Variants in RORA observed in about 807,000 individuals in gnomAD.
RORA encodes the protein RAR related orphan receptor A.
Under a neutral mutation model 69.5 loss-of-function variants are expected in RORA, and 7 were observed. The ratio of observed to expected loss-of-function variants is 0.10; its 90% confidence interval spans 0.06 to 0.19. The LOEUF (loss-of-function observed/expected upper bound fraction) is 0.19, where lower values mean the gene tolerates loss of function less well. Among genes scored for constraint, RORA ranks in the 10% least tolerant of loss-of-function variants. The probability of loss-of-function intolerance (pLI) is 1.00; values close to 1 mark genes in which losing one functional copy is unlikely to be tolerated. For synonymous variants in RORA, 261 were observed against 240.8 expected (o/e 1.08, Z -0.78); for missense variants, 457 against 663.0 (o/e 0.69, Z 3.41).
intron 1 of RORA, among the ~76,000 whole-genome samples, chr15:60,791,132 G>A (rs1420653684): frequency 6.6e-6 from 1 of 152,140 alleles, no homozygotes. Flanking sequence ...TGTAGAACGA[G>A]CCCAGGCTGA....
chr15:61,153,514 A>C (rs540857450), intron 1 of RORA, among the ~76,000 whole-genome samples: 2 of 152,300 alleles, frequency 1.3e-5, no homozygotes, highest in Admixed American at 1.3e-4. Flanking sequence ...ACCCACTCAT[A>C]GTGCCAGAGA....
At chr15:60,555,972 C>T (rs1236794907) in intron 2 of RORA, among the ~76,000 whole-genome samples, 4 of 152,134 alleles carry the variant, frequency 2.6e-5, no homozygotes, top group African/African-American at 7.2e-5. Flanking sequence ...GATTGTGGAA[C>T]CTCGGCTTAC....
intron 1 of RORA, among the ~76,000 whole-genome samples, chr15:60,784,392 A>G (rs877228): frequency 0.54 from 82,697 of 151,984 alleles, 22,804 homozygotes; most frequent in African/African-American, 0.62. Flanking sequence ...GGACATTCCA[A>G]TTGGGTCACT....
At chr15:60,860,431 G>T (rs1335116662) in intron 1 of RORA, among the ~76,000 whole-genome samples, 1 of 152,210 alleles carries the variant, frequency 6.6e-6, no homozygotes, top group African/African-American at 2.4e-5. Flanking sequence ...AGGGCTCTCA[G>T]TCAAACCTTC....
At chr15:60,547,187 C>T (rs1455287901) in intron 2 of RORA, among the ~76,000 whole-genome samples, 1 of 152,162 alleles carries the variant, frequency 6.6e-6, no homozygotes, top group African/African-American at 2.4e-5. Context: ...GCTCCAGGAA[C>T]CTTGACACCA....
intron 1 of RORA, among the ~76,000 whole-genome samples, chr15:61,113,180 C>G (rs2079022448): frequency 6.6e-6 from 1 of 152,206 alleles, no homozygotes; most frequent in African/African-American, 2.4e-5. Context: ...AAATGCAGAC[C>G]TTAATCTAAC....
intron 1 of RORA, among the ~76,000 whole-genome samples, chr15:61,145,783 AAT>A (rs1234513878): frequency 6.6e-6 from 1 of 152,156 alleles, no homozygotes; most frequent in Non-Finnish European, 1.5e-5. Flanking sequence ...GATCAGGGGA[AAT>A]ATGTTCAGCC....
At chr15:60,714,719 G>T (rs750997229) in intron 1 of RORA, among the ~76,000 whole-genome samples, 1 of 152,120 alleles carries the variant, frequency 6.6e-6, no homozygotes, top group Non-Finnish European at 1.5e-5. Context: ...TTGTGTTTAA[G>T]GGGGATCTTG....
chr15:61,217,911 C>T (rs2080055568), intron 1 of RORA, among the ~76,000 whole-genome samples: 1 of 152,140 alleles, frequency 6.6e-6, no homozygotes, highest in African/African-American at 2.4e-5. Context: ...CCCTCCCCCT[C>T]CTCCTCCCTG....
rs375600167 is a variant in RORA at position 60,965,152 on chromosome 15, G to A, written c.166+263901C>T. On this transcript the variant is annotated intron_variant, in intron 1 of 10. Transcript: ENST00000335670. ...ATACCTTCTTAGTCCAACAGGACTA[G>A]GGTATTATGGGCCTTGGGTACTGCA... Among the ~76,000 whole-genome samples, 49 of 152,280 alleles carry A rather than the reference G, an allele frequency of 3.2e-4. No homozygotes were observed. The East Asian group carries it at 6.6e-3, about 20-fold the overall frequency.
At chr15:61,047,637 A>C (rs1421922356) in intron 1 of RORA, among the ~76,000 whole-genome samples, 1 of 151,598 alleles carries the variant, frequency 6.6e-6, no homozygotes, top group Non-Finnish European at 1.5e-5. Context: ...TCAATGAAAA[A>C]TCTGAAGCAT....
chr15:60,765,999 C>T (rs1056656211), intron 1 of RORA, among the ~76,000 whole-genome samples: 2 of 152,072 alleles, frequency 1.3e-5, no homozygotes, highest in African/African-American at 2.4e-5. Context: ...AGAAGGAATT[C>T]GCCTGCAGTG....
At chr15:60,742,710 A>G (rs1567175550) in intron 1 of RORA, among the ~76,000 whole-genome samples, 1 of 152,194 alleles carries the variant, frequency 6.6e-6, no homozygotes, top group Non-Finnish European at 1.5e-5. Context: ...GATTCCACAT[A>G]TAAGTGAGAT....
intron 1 of RORA, among the ~76,000 whole-genome samples, chr15:61,046,411 G>T (rs1470855064): frequency 1.3e-5 from 2 of 152,138 alleles, no homozygotes; most frequent in African/African-American, 2.4e-5. Context: ...ACAGCCAGCA[G>T]GTTTCTATTA....
At chr15:60,870,409 G>A (rs1262654390) in intron 1 of RORA, among the ~76,000 whole-genome samples, 1 of 152,180 alleles carries the variant, frequency 6.6e-6, no homozygotes, top group Non-Finnish European at 1.5e-5. Context: ...CTGTTTACAG[G>A]TATCTACCAG....
At position 60,721,200 on chromosome 15, in the gene RORA, A is replaced by G. The variant is rs569887995; in HGVS notation, c.167-42514T>C. ...TTCTTTGACTAAACATCTCGCAGAG[A>G]GATCGGTGGATCCACAAAAATGACC... On this transcript the variant is annotated intron_variant, in intron 1 of 10. Coordinates refer to ENST00000335670, the MANE Select transcript of RORA (RefSeq NM_134261.3). 6.6e-5 allele frequency among the ~76,000 whole-genome samples: 10 copies of G among 152,326 alleles called. No homozygotes were observed. In the South Asian group the frequency reaches 2.1e-3, roughly 32 times the overall value.
intron 1 of RORA, among the ~76,000 whole-genome samples, chr15:61,066,090 G>T (rs1240637237): frequency 1.3e-5 from 2 of 152,186 alleles, no homozygotes; most frequent in Non-Finnish European, 2.9e-5. Flanking sequence ...TGGTTTTTAT[G>T]ATTGTAAAGA....
intron 1 of RORA, among the ~76,000 whole-genome samples, chr15:60,891,211 T>C (rs1363026988): frequency 2.0e-5 from 3 of 152,244 alleles, no homozygotes; most frequent in African/African-American, 7.2e-5. Flanking sequence ...AAACTTTATC[T>C]GAAGGAAGCT....
chr15:61,012,007 A>C (rs1010819836), intron 1 of RORA, among the ~76,000 whole-genome samples: 1 of 152,236 alleles, frequency 6.6e-6, no homozygotes, highest in East Asian at 1.9e-4. Flanking sequence ...TGGGCATGCA[A>C]TACAAACATC....
Sources: allele counts gnomAD v4.1 joint callset (sites outside exome capture counted in the v4.1 genomes callset), GRCh38; gene constraint gnomAD v4.1.1; transcripts MANE v1.5; gene names NCBI Gene and HGNC (gene_info 2026-07-23, HGNC 2026-07-21).